Variants in PLPPR5 observed in about 807,000 individuals in gnomAD.
PLPPR5 encodes the protein phospholipid phosphatase-related protein type 5.
In PLPPR5, 16 loss-of-function variants were observed where a neutral mutation model predicts 33.9. That is an observed-to-expected ratio of 0.47 (90% CI 0.32 to 0.72). The LOEUF is 0.72. PLPPR5 is among the 30% of genes least tolerant of loss of function. The probability of loss-of-function intolerance (pLI) is 0.03; values close to 1 mark genes in which losing one functional copy is unlikely to be tolerated. For missense variants in PLPPR5, 301 were observed against 406.7 expected (o/e 0.74, Z 2.23); for synonymous variants, 163 against 150.3 (o/e 1.08, Z -0.62).
upstream of PLPPR5, chr1:99,005,140 G>A (rs59108907): frequency 0.076 from 11,485 of 151,214 alleles, 445 homozygotes; most frequent in East Asian, 0.14. Flanking sequence ...TGTGGGGCTG[G>A]AGAAGCTCCT....
Position 98,987,441 on chromosome 1 carries a change from A to G in PLPPR5, c.237+16994T>C, listed in dbSNP as rs560025906. On this transcript the variant is annotated intron_variant, in intron 1 of 5. Transcript: ENST00000263177. ...ATAATTTTGGTTTTTATTTTAAAAC[A>G]TGGTACACAACAGAAATACCATATT... Among the ~76,000 whole-genome samples the G allele has an allele frequency of 1.1e-4, 16 of 152,016 alleles. No individual in the cohort carries two copies. The East Asian group carries it at 2.9e-3, about 28-fold the overall frequency.
rs1413489563 is a variant in PLPPR5, at chr1:98,933,184, A to G, written c.622-11126T>C. On this transcript the variant is annotated intron_variant, in intron 3 of 5. Coordinates refer to ENST00000263177, the MANE Select transcript of PLPPR5 (RefSeq NM_001037317.2). ...AAAATTTGTCTTGCCTTGCATAGAG[A>G]GGGCTTTTTAAAAAAAAAAAAAAGG... Among the ~76,000 whole-genome samples the G allele has an allele frequency of 2.0e-5, 3 of 148,652 alleles. No individual in the cohort carries two copies. The East Asian group carries it at 6.2e-4, about 31-fold the overall frequency.
rs1189102122 is a variant in PLPPR5 at position 98,891,813 on chromosome 1, C to T, written c.*1259G>A. 1 of 151,690 alleles carries T rather than the reference C, an allele frequency of 6.6e-6. No individual in the cohort carries two copies. Among genetic ancestry groups the T allele is most frequent in the South Asian group, 2.1e-4 (1 of 4,808 alleles). The allele number at this position is 151,690 out of a possible 1,614,324, so 9.4% of individuals were successfully genotyped here. A position where few individuals can be genotyped will look rare whatever the true frequency, so the allele number is the denominator to read the frequency against. The stretch of plus-strand genomic sequence containing the variant: ...TATTTTTTGAACCATAGGTAGTTGC[C>T]CAGGATTCTACTGAGCTCTGAAAGG... On this transcript the variant is annotated 3_prime_UTR_variant, in exon 6 of 6. Transcript: ENST00000263177.
intron 5 of PLPPR5, among the ~76,000 whole-genome samples, chr1:98,896,023 T>A (rs1648456945): frequency 6.6e-6 from 1 of 151,976 alleles, no homozygotes; most frequent in Non-Finnish European, 1.5e-5. Flanking sequence ...CTCAGTAGTT[T>A]TTTTTTTTTA....
chr1:98,993,439 G>A (rs145726468), intron 1 of PLPPR5, among the ~76,000 whole-genome samples: 1 of 152,066 alleles, frequency 6.6e-6, no homozygotes, highest in Non-Finnish European at 1.5e-5. Context: ...AGGAGCCAGA[G>A]AGAAGAGGAA....
At chr1:98,948,085 A>G (rs1236123479) in intron 3 of PLPPR5, among the ~76,000 whole-genome samples, 1 of 152,166 alleles carries the variant, frequency 6.6e-6, no homozygotes, top group Non-Finnish European at 1.5e-5. Flanking sequence ...CTCCAGACAC[A>G]ATCCCTGACC....
chr1:98,975,764 C>A (rs10489922), intron 1 of PLPPR5, among the ~76,000 whole-genome samples: 13,834 of 151,890 alleles, frequency 0.091, 729 homozygotes, highest in Non-Finnish European at 0.11. Context: ...TCCAGCAAAT[C>A]GGGATATCTC....
chr1:98,975,080 C>T (rs980261574), intron 1 of PLPPR5, among the ~76,000 whole-genome samples: 1 of 152,044 alleles, frequency 6.6e-6, no homozygotes, highest in Non-Finnish European at 1.5e-5. Flanking sequence ...CTGATGCAGC[C>T]TCTTTTGTAA....
chr1:98,919,210 T>A (rs1649463937), intron 4 of PLPPR5, among the ~76,000 whole-genome samples: 1 of 152,122 alleles, frequency 6.6e-6, no homozygotes, highest in Non-Finnish European at 1.5e-5. Context: ...AAAGTTATGG[T>A]CAGAGAGCAA....
At chr1:99,005,708 T>C (rs1300738247), upstream of PLPPR5, among the ~76,000 whole-genome samples, 2 of 152,136 alleles carry the variant, frequency 1.3e-5, no homozygotes, top group African/African-American at 4.8e-5. Context: ...ATTCCCTGAA[T>C]TCCAGGGAAC....
chr1:98,917,099 T>A (rs1649383952), intron 4 of PLPPR5, among the ~76,000 whole-genome samples: 1 of 152,060 alleles, frequency 6.6e-6, no homozygotes, highest in African/African-American at 2.4e-5. Context: ...CACTCCAAAC[T>A]TGATCTCTTC....
chr1:98,920,456 C>CAA (rs67392220), intron 4 of PLPPR5, among the ~76,000 whole-genome samples: 20 of 94,086 alleles, frequency 2.1e-4, no homozygotes, highest in African/African-American at 3.2e-4. Context: ...TGAGTCAATG[C>CAA]AAAAAAAAAA....
rs750104658 is a variant in PLPPR5 at position 98,922,000 on chromosome 1, C to G, written c.680G>C (p.Cys227Ser). 22 of 1,613,594 alleles carry G rather than the reference C, an allele frequency of 1.4e-5. No homozygotes were observed. Among genetic ancestry groups the G allele is most frequent in the Non-Finnish European group, 1.9e-5 (22 of 1,179,970 alleles). The change falls in exon 4 of 6, where the codon TGC becomes TCC. Residue 227 changes from cysteine (C) to serine (S), a missense_variant. Transcript: ENST00000263177. ...AAATGCCAAACACATTAAGCCCAAGCATAGAACTGGCTTAGCAAGTCTGGT... is the reference window on the plus strand; with the variant it reads ...AAATGCCAAACACATTAAGCCCAAGGATAGAACTGGCTTAGCAAGTCTGGT... ...KGTRLAKPVLCLGLMCLAFLT... is the reference protein window; with the variant it reads ...KGTRLAKPVLSLGLMCLAFLT...
chr1:99,002,107 T>A (rs1263385026), intron 1 of PLPPR5, among the ~76,000 whole-genome samples: 1 of 151,898 alleles, frequency 6.6e-6, no homozygotes, highest in African/African-American at 2.4e-5. Flanking sequence ...TTGAGAAGAG[T>A]GGAGAGGCAG....
chr1:98,941,912 A>C (rs956637086), intron 3 of PLPPR5, among the ~76,000 whole-genome samples: 1 of 151,700 alleles, frequency 6.6e-6, no homozygotes, highest in Non-Finnish European at 1.5e-5. Flanking sequence ...AGAAGTACCA[A>C]GAAATCTCCT....
At chr1:98,986,977 C>A (rs1652284843) in intron 1 of PLPPR5, among the ~76,000 whole-genome samples, 1 of 151,706 alleles carries the variant, frequency 6.6e-6, no homozygotes, top group Non-Finnish European at 1.5e-5. Flanking sequence ...AAAATTGATT[C>A]TTCTCCATAC....
At chr1:98,966,190 A>G (rs569095540) in intron 1 of PLPPR5, among the ~76,000 whole-genome samples, 1 of 152,316 alleles carries the variant, frequency 6.6e-6, no homozygotes, top group Admixed American at 6.5e-5. Context: ...CCTTCTACTT[A>G]CCAAGTGATA....
intron 3 of PLPPR5, among the ~76,000 whole-genome samples, chr1:98,948,383 G>T (rs1650639353): frequency 6.6e-6 from 1 of 152,166 alleles, no homozygotes. Flanking sequence ...GAAGGGGAGA[G>T]AGGGAATGAT....
At chr1:98,913,067 T>G (rs1405296075) in intron 5 of PLPPR5, among the ~76,000 whole-genome samples, 1 of 152,178 alleles carries the variant, frequency 6.6e-6, no homozygotes, top group African/African-American at 2.4e-5. Context: ...ATTTATCTTC[T>G]TACACTCACT....
Sources: allele counts gnomAD v4.1 joint callset (sites outside exome capture counted in the v4.1 genomes callset), GRCh38; gene constraint gnomAD v4.1.1; transcripts MANE v1.5; gene names NCBI Gene and HGNC (gene_info 2026-07-23, HGNC 2026-07-21).